CYRIB: variants seen among roughly 807,000 people sequenced by gnomAD.
CYRIB encodes CYFIP related Rac1 interactor B, also known as CYFIP-related Rac1 interactor B.
In CYRIB, 8 loss-of-function variants were observed where a neutral mutation model predicts 44.2. That is an observed-to-expected ratio of 0.18 (90% CI 0.11 to 0.33). CYRIB has a LOEUF of 0.33. Ranked by LOEUF, CYRIB falls within the 10% of genes least tolerant of loss-of-function variation. The pLI, the probability that CYRIB is intolerant of heterozygous loss-of-function variation, is 1.00. For missense variants in CYRIB, 185 were observed against 382.8 expected, an observed-to-expected ratio of 0.48 and a Z score of 4.31; for synonymous variants, 131 against 127.2, an observed-to-expected ratio of 1.03 and a Z score of -0.20.
chr8:129,863,973 C>T (rs576977096), intron 4 of CYRIB, among the ~76,000 whole-genome samples: 7 of 152,212 alleles, frequency 4.6e-5, no homozygotes, highest in African/African-American at 1.4e-4. Flanking sequence ...CTCAATACTC[C>T]CAAGGCACTA....
At chr8:129,991,224 G>C (rs1198807859) in intron 1 of CYRIB, among the ~76,000 whole-genome samples, 3 of 148,564 alleles carry the variant, frequency 2.0e-5, no homozygotes, top group Non-Finnish European at 4.5e-5. Context: ...GTTCTCCATT[G>C]TATCTCTAGG....
chr8:129,882,329 T>C (rs2134044493), intron 2 of CYRIB, among the ~76,000 whole-genome samples: 1 of 152,316 alleles, frequency 6.6e-6, no homozygotes, highest in East Asian at 1.9e-4. Context: ...GTAATTATAG[T>C]AAATATCTTA....
chr8:129,849,582 T>C, intron 9 of CYRIB: 1 of 411,724 alleles, frequency 2.4e-6, no homozygotes, highest in Non-Finnish European at 4.3e-6. Context: ...TATAAAATTC[T>C]TTAATGAGGT....
chr8:129,970,352 G>A (rs1311133481), intron 2 of CYRIB, among the ~76,000 whole-genome samples: 1 of 151,760 alleles, frequency 6.6e-6, no homozygotes, highest in Non-Finnish European at 1.5e-5. Flanking sequence ...GGCTCCAAGA[G>A]TCAATGGTTT....
chr8:129,973,459 CT>C (rs1564528347), intron 1 of CYRIB, among the ~76,000 whole-genome samples: 1 of 152,228 alleles, frequency 6.6e-6, no homozygotes, highest in African/African-American at 2.4e-5. Flanking sequence ...AGGTGCCCCC[CT>C]GAGGTCCCTC....
intron 2 of CYRIB, among the ~76,000 whole-genome samples, chr8:129,891,551 A>G (rs1034793544): frequency 3.3e-5 from 5 of 152,238 alleles, no homozygotes; most frequent in Non-Finnish European, 7.4e-5. Flanking sequence ...TCAACATAGT[A>G]GTACTAAAAT....
upstream of CYRIB, among the ~76,000 whole-genome samples, chr8:129,941,993 T>C (rs1463221472): frequency 1.3e-5 from 2 of 152,226 alleles, no homozygotes; most frequent in Admixed American, 6.5e-5. Flanking sequence ...GACATGACGC[T>C]GGCCTAGGGA....
At chr8:129,980,936 G>T (rs1277191371) in intron 1 of CYRIB, among the ~76,000 whole-genome samples, 1 of 150,584 alleles carries the variant, frequency 6.6e-6, no homozygotes, top group African/African-American at 2.4e-5. Context: ...GTGAGCAGAG[G>T]TGGCATCACT....
At chr8:129,941,539 G>A (rs1407974065), upstream of CYRIB, among the ~76,000 whole-genome samples, 1 of 152,122 alleles carries the variant, frequency 6.6e-6, no homozygotes, top group African/African-American at 2.4e-5. Flanking sequence ...CTCCCAAAGT[G>A]CTAGGATTAC....
In CYRIB at chr8:129,863,021, T is replaced by C. The variant is rs79045744; in HGVS notation, c.196-687A>G. ...CCCAGCAGATCCACAAAAAAAAATATTGCATATGTTTCCCATATCACAGAG... is the reference window on the plus strand; with the variant it reads ...CCCAGCAGATCCACAAAAAAAAATACTGCATATGTTTCCCATATCACAGAG... On this transcript the variant is annotated intron_variant, in intron 4 of 11. Coordinates refer to ENST00000519824, the Ensembl canonical transcript of CYRIB. 2.9e-3 allele frequency among the ~76,000 whole-genome samples: 443 copies of C among 152,322 alleles called. 18 individuals are homozygous for C. In the East Asian group the frequency reaches 0.075, roughly 26 times the overall value.
intron 5 of CYRIB, among the ~76,000 whole-genome samples, chr8:129,859,797 A>G (rs1241154489): frequency 6.6e-6 from 1 of 152,236 alleles, no homozygotes; most frequent in African/African-American, 2.4e-5. Flanking sequence ...ATTCATATGT[A>G]ATCATATCTA....
chr8:129,942,494 A>G (rs2093784834), upstream of CYRIB, among the ~76,000 whole-genome samples: 1 of 152,180 alleles, frequency 6.6e-6, no homozygotes, highest in African/African-American at 2.4e-5. Flanking sequence ...GAATTCCCTA[A>G]AAGAGGGAGC....
intron 1 of CYRIB, among the ~76,000 whole-genome samples, chr8:130,015,391 G>A (rs1163512556): frequency 6.6e-6 from 1 of 151,918 alleles, no homozygotes; most frequent in Non-Finnish European, 1.5e-5. Context: ...TTTTCTCAAG[G>A]CCCCACTCGC....
chr8:129,902,412 G>T (rs2072686784), intron 2 of CYRIB, among the ~76,000 whole-genome samples: 1 of 152,086 alleles, frequency 6.6e-6, no homozygotes, highest in Admixed American at 6.5e-5. Context: ...TAGAGATGGG[G>T]TTTCACCATG....
At chr8:129,848,546 T>A (rs1362209788) in intron 10 of CYRIB, among the ~76,000 whole-genome samples, 3 of 152,178 alleles carry the variant, frequency 2.0e-5, no homozygotes, top group Non-Finnish European at 4.4e-5. Context: ...AAAGTCTTCA[T>A]CTTTTTCCAC....
chr8:129,960,748 G>A (rs1187830427), intron 2 of CYRIB, among the ~76,000 whole-genome samples: 3 of 150,378 alleles, frequency 2.0e-5, no homozygotes, highest in African/African-American at 2.4e-5. Context: ...TCAGGAGTTC[G>A]AGACCAGCCT....
chr8:129,945,098 T>C (rs1187612608), intron 2 of CYRIB, among the ~76,000 whole-genome samples: 2 of 152,024 alleles, frequency 1.3e-5, no homozygotes, highest in Admixed American at 6.5e-5. Context: ...CCGGGGAAGC[T>C]GCAACTCTCC....
chr8:129,935,071 C>A (rs2092548650), intron 1 of CYRIB, among the ~76,000 whole-genome samples: 1 of 152,218 alleles, frequency 6.6e-6, no homozygotes, highest in African/African-American at 2.4e-5. Flanking sequence ...CTCCAGTTCA[C>A]CTGCATCTCG....
At chr8:129,965,701 C>T (rs1235681739) in intron 2 of CYRIB, among the ~76,000 whole-genome samples, 3 of 151,438 alleles carry the variant, frequency 2.0e-5, no homozygotes, top group African/African-American at 7.3e-5. Flanking sequence ...GAGGCTGAGG[C>T]AGGAGAATGG....
Sources: allele counts gnomAD v4.1 joint callset (sites outside exome capture counted in the v4.1 genomes callset), GRCh38; gene constraint gnomAD v4.1.1; transcripts MANE v1.5; gene names NCBI Gene and HGNC (gene_info 2026-07-23, HGNC 2026-07-21).